Variants in TTC21A observed in about 807,000 individuals in gnomAD.
TTC21A encodes the protein tetratricopeptide repeat protein 21A.
Under a neutral mutation model 156.4 loss-of-function variants are expected in TTC21A, and 128 were observed. That is an observed-to-expected ratio of 0.82 (90% CI 0.71 to 0.95). The LOEUF is 0.95. Ranked by LOEUF, TTC21A falls within the 40% of genes least tolerant of loss-of-function variation. TTC21A has a pLI of 0.00. For synonymous variants in TTC21A, 587 were observed against 617.1 expected (o/e 0.95, Z 0.72); for missense variants, 1,435 against 1,602.3 (o/e 0.90, Z 1.78).
At chr3:39,126,955 A>G (rs1028599516) in intron 12 of TTC21A, among the ~76,000 whole-genome samples, 6 of 152,184 alleles carry the variant, frequency 3.9e-5, no homozygotes, top group African/African-American at 7.2e-5. Context: ...TGGTAATGCT[A>G]TGGAAGAAGC....
intron 1 of TTC21A, among the ~76,000 whole-genome samples, chr3:39,108,783 T>C (rs1386867391): frequency 6.6e-6 from 1 of 152,188 alleles, no homozygotes; most frequent in African/African-American, 2.4e-5. Context: ...TTGTCCTCAT[T>C]TTTCCCCCCT....
Position 39,137,472 on chromosome 3 carries a change from T to A in TTC21A, c.3451-14T>A. 6.2e-7 allele frequency: 1 copy of A among 1,613,862 alleles called. No individual in the cohort carries two copies. The highest frequency in any genetic ancestry group is 8.5e-7 in the Non-Finnish European group (1 of 1,179,732). ...CCAACACGTGCTGACGTCCACTTCC[T>A]ACCTGGTGTGTAGAAGGACAGCGTC... On this transcript the variant is annotated splice_polypyrimidine_tract_variant and intron_variant, in intron 25 of 28. Transcript: ENST00000683103.
In TTC21A at chr3:39,126,393, G is replaced by A; in HGVS notation, c.1522+3G>A. ...GGCTCAGGTCAGGTATTACTCAGGT[G>A]AGCGGGGGATCCTGACAGCCGGGTG... On this transcript the variant is annotated splice_donor_region_variant and intron_variant, in intron 12 of 28. Coordinates refer to ENST00000683103, the MANE Select transcript of TTC21A (RefSeq NM_001366900.1). 6.2e-7 allele frequency: 1 copy of A among 1,613,762 alleles called. No homozygotes were observed. The highest frequency in any genetic ancestry group is 8.5e-7 in the Non-Finnish European group (1 of 1,179,902).
Position 39,138,828 on chromosome 3 carries a change from T to C in TTC21A, c.*40T>C. 6.4e-7 allele frequency: 1 copy of C among 1,568,332 alleles called. No individual in the cohort carries two copies. Among genetic ancestry groups the C allele is most frequent in the Non-Finnish European group, 8.8e-7 (1 of 1,141,994 alleles). ...CCTGGACCAGTAGAAGCCATCAACCTACTGAAGTTGTGTGGAGGGATGGAA... is the reference window on the plus strand; with the variant it reads ...CCTGGACCAGTAGAAGCCATCAACCCACTGAAGTTGTGTGGAGGGATGGAA... On this transcript the variant is annotated 3_prime_UTR_variant, in exon 29 of 29. Transcript: ENST00000683103.
rs766637460 is a variant in TTC21A, at chr3:39,138,749, G to A, written c.3903G>A (p.Glu1301=). ...REHPDYPKIR[E]EILEKARRSL... ...ACCCCGACTACCCCAAGATCAGGGA[G>A]GAAATTTTGGAAAAGGCCCGAAGGT... Residue 1301 remains glutamate, a synonymous_variant, in exon 29 of 29, where the codon GAG becomes GAA. Coordinates refer to ENST00000683103, the MANE Select transcript of TTC21A (RefSeq NM_001366900.1). The A allele has an allele frequency of 6.2e-7, 1 of 1,614,114 alleles. No individual in the cohort carries two copies.
intron 5 of TTC21A, among the ~76,000 whole-genome samples, chr3:39,113,756 G>A (rs2037030226): frequency 6.6e-6 from 1 of 152,228 alleles, no homozygotes; most frequent in Non-Finnish European, 1.5e-5. Flanking sequence ...TGGATATAAA[G>A]CCAGTCTTCT....
Position 39,121,013 on chromosome 3 carries a change from T to C in TTC21A, c.917T>C (p.Val306Ala). 1 of 1,608,146 alleles carries C rather than the reference T, an allele frequency of 6.2e-7. No individual in the cohort carries two copies. Among genetic ancestry groups the C allele is most frequent in the Non-Finnish European group, 8.5e-7 (1 of 1,176,410 alleles). ...TTCTTGCAGTGTGGGAGTCACCAGGTGATTCTAGGGCTAGTGTGTAGTTTC... is the reference window on the plus strand; with the variant it reads ...TTCTTGCAGTGTGGGAGTCACCAGGCGATTCTAGGGCTAGTGTGTAGTTTC... ...VVSRLCGSHQ[V>A]ILGLVCSFIE... Residue 306 changes from valine to alanine, a missense_variant, in exon 9 of 29, where the codon GTG (valine) becomes GCG (alanine). Physicochemically the swap from Val to Ala is moderately conservative, Grantham distance 64. Coordinates refer to ENST00000683103, the MANE Select transcript of TTC21A (RefSeq NM_001366900.1).
Position 39,134,373 on chromosome 3 carries a change from T to A in TTC21A, c.2862+45T>A. Reference sequence around the variant, plus strand: ...CACTCCCTCCCCTCCCTTCCTCCCTTCCCAGGGTCCCTGTGACCAGATGCA... The same window carrying A: ...CACTCCCTCCCCTCCCTTCCTCCCTACCCAGGGTCCCTGTGACCAGATGCA... On this transcript the variant is annotated intron_variant, in intron 21 of 28. Transcript: ENST00000683103. The surrounding 1 kb of genome is among the most constrained non-coding windows in gnomAD (Gnocchi z 4.6). 7.3e-7 allele frequency: 1 copy of A among 1,370,494 alleles called. No individual in the cohort carries two copies. Among genetic ancestry groups the A allele is most frequent in the Non-Finnish European group, 1.0e-6 (1 of 957,862 alleles). The allele number at this position is 1,370,494 out of a possible 1,614,324, so 84.9% of individuals were successfully genotyped here. A position where few individuals can be genotyped will look rare whatever the true frequency, so the allele number is the denominator to read the frequency against.
intron 12 of TTC21A, among the ~76,000 whole-genome samples, chr3:39,127,483 A>C (rs923603378): frequency 6.6e-6 from 1 of 152,144 alleles, no homozygotes; most frequent in Non-Finnish European, 1.5e-5. Flanking sequence ...TTTGGGCCCA[A>C]AGCAGTCTCC....
In TTC21A at chr3:39,110,886, A is replaced by G. The variant is rs905479687; in HGVS notation, c.304A>G (p.Lys102Glu). 4 of 1,614,040 alleles carry G rather than the reference A, an allele frequency of 2.5e-6. No homozygotes were observed. The highest frequency in any genetic ancestry group is 1.7e-5 in the Admixed American group (1 of 60,018). ...EAIQELEYSL[K>E]EIRKTVSGTA... is the part of the protein sequence containing the mutation. Reference sequence around the variant, plus strand: ...AATTCAGGAGCTTGAGTACAGCCTGAAGGAAATACGCAAGACAGTCAGTGG... The same window carrying G: ...AATTCAGGAGCTTGAGTACAGCCTGGAGGAAATACGCAAGACAGTCAGTGG... The change falls in exon 4 of 29, where the codon AAG becomes GAG. Residue 102 changes from lysine to glutamate, a missense_variant. Coordinates refer to ENST00000683103, the MANE Select transcript of TTC21A (RefSeq NM_001366900.1).
intron 28 of TTC21A, 35 bp from the exon 29 acceptor site, chr3:39,138,676 C>T: frequency 6.2e-7 from 1 of 1,613,688 alleles, no homozygotes; most frequent in Non-Finnish European, 8.5e-7. Context: ...GGGAAACCTG[C>T]ATGATACTGC....
chr3:39,114,811 C>A, intron 6 of TTC21A, 69 bp downstream of exon 6: 1 of 1,571,108 alleles, frequency 6.4e-7, no homozygotes, highest in South Asian at 1.1e-5. Context: ...GCTGGGGAGG[C>A]AGGAGAACAA....
In TTC21A at chr3:39,118,068, G is replaced by A. The variant is rs2037439647; in HGVS notation, c.717-1G>A. ...TCATGTGCCTCCTCTTCTTCCTTCA[G>A]AATCCTAGAAAAAGATGAGAGCAAT... On this transcript the variant is annotated splice_acceptor_variant, in intron 6 of 28. Transcript: ENST00000683103. LOFTEE classifies it high-confidence loss of function. The A allele has an allele frequency of 1.2e-6, 2 of 1,611,530 alleles. No individual in the cohort carries two copies. The highest frequency in any genetic ancestry group is 1.7e-6 in the Non-Finnish European group (2 of 1,177,678).
intron 26 of TTC21A, 159 bp downstream of exon 26, chr3:39,137,869 GA>G: frequency 1.3e-6 from 1 of 775,468 alleles, no homozygotes; most frequent in Non-Finnish European, 2.1e-6. Context: ...ACCAGAATAG[GA>G]ATGAGGATCA....
At position 39,138,815 on chromosome 3, in the gene TTC21A, G is replaced by A. The variant is rs758048331; in HGVS notation, c.*27G>A. The A allele has an allele frequency of 3.7e-6, 6 of 1,600,270 alleles. No homozygotes were observed. The South Asian group carries it at 5.5e-5, about 15-fold the overall frequency. ...TGGGGTCAAGGGGCCTGGACCAGTA[G>A]AAGCCATCAACCTACTGAAGTTGTG... On this transcript the variant is annotated 3_prime_UTR_variant, in exon 29 of 29. Coordinates refer to ENST00000683103, the MANE Select transcript of TTC21A (RefSeq NM_001366900.1).
At chr3:39,136,625 C>A in intron 23 of TTC21A, 118 bp downstream of exon 23, 1 of 1,313,744 alleles carries the variant, frequency 7.6e-7, no homozygotes, top group Non-Finnish European at 1.0e-6. Context: ...ACACCCGGAC[C>A]CAGCAAGTGA....
At position 39,134,534 on chromosome 3, in the gene TTC21A, C is replaced by T. The variant is rs747080641; in HGVS notation, c.2862+206C>T. ...TAGGCTGGCTGGCAGTGGGCAGCAT[C>T]AATCTCCTGGGCCAGTCTAAGGTGG... On this transcript the variant is annotated intron_variant, in intron 21 of 28. Transcript: ENST00000683103. The surrounding 1 kb of genome is among the most constrained non-coding windows in gnomAD (Gnocchi z 4.6). The T allele has an allele frequency of 4.0e-5, 26 of 649,196 alleles. No homozygotes were observed. Among genetic ancestry groups the T allele is most frequent in the Non-Finnish European group, 7.1e-5 (25 of 353,804 alleles). 40.2% of individuals were successfully genotyped at this position (649,196 alleles called of 1,614,324 possible). A position where few individuals can be genotyped will look rare whatever the true frequency, so the allele number is the denominator to read the frequency against.
chr3:39,120,983 C>G lies in TTC21A; in HGVS notation c.901-14C>G, dbSNP rs758219238. The G allele has an allele frequency of 6.3e-7, 1 of 1,584,614 alleles. No homozygotes were observed. The highest frequency in any genetic ancestry group is 8.6e-7 in the Non-Finnish European group (1 of 1,162,818). ...TGACTGGTTTCCCAATTCCCACCTTCCTGTTTCTTGCAGTGTGGGAGTCAC... is the reference window on the plus strand; with the variant it reads ...TGACTGGTTTCCCAATTCCCACCTTGCTGTTTCTTGCAGTGTGGGAGTCAC... On this transcript the variant is annotated splice_polypyrimidine_tract_variant and intron_variant, in intron 8 of 28. Coordinates refer to ENST00000683103, the MANE Select transcript of TTC21A (RefSeq NM_001366900.1).
intron 4 of TTC21A, 148 bp from the exon 5 acceptor site, chr3:39,112,310 T>A: frequency 1.3e-6 from 1 of 751,304 alleles, no homozygotes; most frequent in Non-Finnish European, 2.2e-6. Context: ...GTCCTGGCCA[T>A]GAGAGAGAGC....
Sources: gnomAD v4.1 joint callset for allele counts (sites outside exome capture counted in the v4.1 genomes callset) on GRCh38, gnomAD v4.1.1 for gene constraint, Gnocchi (gnomAD v3.1) non-coding constraint, MANE v1.5 for transcripts, NCBI Gene and HGNC (gene_info 2026-07-23, HGNC 2026-07-21) for gene names.